The following CLVS1 variants were observed in gnomAD, a reference collection of about 807,000 sequenced individuals.
CLVS1 encodes clavesin 1.
Under a neutral mutation model 33.1 loss-of-function variants are expected in CLVS1, and 10 were observed. That is an observed-to-expected ratio of 0.30 (90% CI 0.19 to 0.51). CLVS1 has a LOEUF of 0.51. CLVS1 is among the 20% of genes least tolerant of loss of function. The pLI is 0.97. For synonymous variants in CLVS1, 163 were observed against 166.1 expected (o/e 0.98, Z 0.14); for missense variants, 343 against 433.4 (o/e 0.79, Z 1.85).
At chr8:61,400,439 T>C (rs1814704421) in intron 3 of CLVS1, among the ~76,000 whole-genome samples, 1 of 152,182 alleles carries the variant, frequency 6.6e-6, no homozygotes, top group African/African-American at 2.4e-5. Flanking sequence ...TGGGATGAGA[T>C]GATGGCATTT....
the CLVS1 span, among the ~76,000 whole-genome samples, chr8:61,017,935 T>G: frequency 6.6e-6 from 1 of 152,258 alleles, no homozygotes; most frequent in Non-Finnish European, 1.5e-5. Context: ...TCAACTTCAC[T>G]GCATGGTTGC....
chr8:61,421,162 T>C (rs191272823), intron 3 of CLVS1, among the ~76,000 whole-genome samples: 42 of 152,122 alleles, frequency 2.8e-4, no homozygotes, highest in African/African-American at 8.4e-4. Context: ...CTTTGAAACA[T>C]TGAAAGTAGA....
At chr8:61,415,023 A>C (rs1477215013) in intron 3 of CLVS1, among the ~76,000 whole-genome samples, 2 of 152,268 alleles carry the variant, frequency 1.3e-5, no homozygotes, top group African/African-American at 4.8e-5. Context: ...GGGAATAGTT[A>C]ACCGAGGTTT....
intron 3 of CLVS1, among the ~76,000 whole-genome samples, chr8:61,429,894 G>T (rs760365321): frequency 2.6e-5 from 4 of 152,136 alleles, no homozygotes; most frequent in Non-Finnish European, 4.4e-5. Flanking sequence ...GATTTTATTA[G>T]TAATAATTTT....
intron 2 of CLVS1, among the ~76,000 whole-genome samples, chr8:61,242,945 T>A (rs1323541765): frequency 6.7e-6 from 1 of 148,930 alleles, no homozygotes; most frequent in Non-Finnish European, 1.5e-5. Context: ...ATAACACTAG[T>A]CTAGTTCATC....
intron 3 of CLVS1, among the ~76,000 whole-genome samples, chr8:61,439,017 C>T (rs1391558072): frequency 6.6e-6 from 1 of 152,164 alleles, no homozygotes; most frequent in Non-Finnish European, 1.5e-5. Flanking sequence ...AACTTCGTTA[C>T]ACACTAAAGA....
intron 3 of CLVS1, among the ~76,000 whole-genome samples, chr8:61,406,265 A>C (rs557450627): frequency 6.6e-6 from 1 of 152,328 alleles, no homozygotes; most frequent in African/African-American, 2.4e-5. Flanking sequence ...CATTCAATAC[A>C]TTCCTCACGT....
At chr8:61,329,914 C>T (rs934233100) in intron 2 of CLVS1, among the ~76,000 whole-genome samples, 1 of 152,104 alleles carries the variant, frequency 6.6e-6, no homozygotes, top group Non-Finnish European at 1.5e-5. Flanking sequence ...GGGACAAGGG[C>T]CCCTTGTCCT....
chr8:61,260,618 C>T (rs1057273741), intron 2 of CLVS1, among the ~76,000 whole-genome samples: 2 of 152,142 alleles, frequency 1.3e-5, no homozygotes, highest in African/African-American at 4.8e-5. Flanking sequence ...CTGGGAGGGG[C>T]ATCTGATCTT....
At chr8:61,347,652 A>G (rs1367707664) in intron 2 of CLVS1, among the ~76,000 whole-genome samples, 1 of 110,174 alleles carries the variant, frequency 9.1e-6, no homozygotes, top group East Asian at 2.8e-4. Context: ...ATATATATAT[A>G]TATATATATA....
the CLVS1 span, among the ~76,000 whole-genome samples, chr8:61,005,576 A>G: frequency 6.6e-6 from 1 of 152,210 alleles, no homozygotes; most frequent in East Asian, 1.9e-4. Flanking sequence ...ATTGCTAACA[A>G]AAAGGTTATT....
intron 1 of CLVS1, among the ~76,000 whole-genome samples, chr8:61,074,434 T>TTA (rs200558957): frequency 0.073 from 9,498 of 129,958 alleles, 574 homozygotes; most frequent in South Asian, 0.21. Context: ...TATATATATG[T>TTA]TATATATATA....
upstream of CLVS1, among the ~76,000 whole-genome samples, chr8:61,286,764 T>C (rs75171211): frequency 0.013 from 1,929 of 152,338 alleles, 49 homozygotes; most frequent in African/African-American, 0.044. Flanking sequence ...TTCTAACCTT[T>C]TAGTAAATGT....
chr8:61,486,110 T>C (rs1803872412), intron 5 of CLVS1, among the ~76,000 whole-genome samples: 1 of 151,206 alleles, frequency 6.6e-6, no homozygotes, highest in Admixed American at 6.6e-5. Context: ...AATAAATAAA[T>C]AAATAAATAA....
chr8:61,316,070 A>G (rs1312715925), intron 2 of CLVS1, among the ~76,000 whole-genome samples: 2 of 152,002 alleles, frequency 1.3e-5, no homozygotes, highest in Non-Finnish European at 2.9e-5. Context: ...ATCCTTTTTT[A>G]TGGCTGCATA....
At chr8:61,157,508 G>A (rs902206659) in intron 2 of CLVS1, among the ~76,000 whole-genome samples, 1 of 152,042 alleles carries the variant, frequency 6.6e-6, no homozygotes, top group African/African-American at 2.4e-5. Flanking sequence ...ATTTCCTAGA[G>A]AGTACCCAAA....
chr8:61,275,495 A>G (rs1162731518), intron 2 of CLVS1, among the ~76,000 whole-genome samples: 1 of 152,238 alleles, frequency 6.6e-6, no homozygotes, highest in Admixed American at 6.5e-5. Context: ...TGGAGAGATT[A>G]AAGTCAGAAC....
chr8:61,216,913 T>C (rs918651916), intron 2 of CLVS1, among the ~76,000 whole-genome samples: 7 of 152,206 alleles, frequency 4.6e-5, no homozygotes, highest in African/African-American at 1.4e-4. Context: ...ATTATACATA[T>C]ATTTTCCTTC....
intron 2 of CLVS1, among the ~76,000 whole-genome samples, chr8:61,337,431 C>T (rs936527289): frequency 2.6e-5 from 4 of 152,260 alleles, no homozygotes; most frequent in East Asian, 3.9e-4. Context: ...CTGGCTAAGG[C>T]TCTCCCACTG....
Sources: allele counts gnomAD v4.1 joint callset (sites outside exome capture counted in the v4.1 genomes callset), GRCh38; gene constraint gnomAD v4.1.1; transcripts MANE v1.5; gene names NCBI Gene and HGNC (gene_info 2026-07-23, HGNC 2026-07-21).